Variants in ANXA9 observed in about 807,000 individuals in gnomAD.
ANXA9 encodes the protein annexin 31.
In ANXA9, 47 loss-of-function variants were observed where a neutral mutation model predicts 51.8. The ratio of observed to expected loss-of-function variants is 0.91; its 90% CI spans 0.72 to 1.16. The LOEUF (loss-of-function observed/expected upper bound fraction) is 1.16, where lower values mean the gene tolerates loss of function less well. Among genes scored for constraint, ANXA9 ranks in the 50% most tolerant of loss-of-function variants. ANXA9 has a pLI of 0.00. For synonymous variants in ANXA9, 154 were observed against 168.7 expected, an observed-to-expected ratio of 0.91 and a Z score of 0.68; for missense variants, 361 against 424.7, an observed-to-expected ratio of 0.85 and a Z score of 1.32.
intron 4 of ANXA9, 34 bp from the exon 5 acceptor site, chr1:150,983,941 C>A: frequency 6.3e-7 from 1 of 1,591,440 alleles, no homozygotes; most frequent in East Asian, 2.3e-5. Flanking sequence ...TATGTAAAGA[C>A]CCTGCTCACA....
At chr1:150,987,064 AC>A (rs1671577333) in intron 9 of ANXA9, among the ~76,000 whole-genome samples, 1 of 152,170 alleles carries the variant, frequency 6.6e-6, no homozygotes, top group Admixed American at 6.6e-5. Flanking sequence ...AGATAAAAAA[AC>A]ATAAATAAAA....
chr1:150,978,933 T>C (rs1186775496), upstream of ANXA9, among the ~76,000 whole-genome samples: 1 of 151,754 alleles, frequency 6.6e-6, no homozygotes, highest in Non-Finnish European at 1.5e-5. Flanking sequence ...CATTGCACTC[T>C]AACCTGGGCA....
chr1:150,995,482 T>G lies in ANXA9; in HGVS notation c.*160T>G. On this transcript the variant is annotated 3_prime_UTR_variant, in exon 14 of 14. Coordinates refer to ENST00000368947, the MANE Select transcript of ANXA9 (RefSeq NM_003568.3). ...CTGGAACTGTTTCTTTAAAATCCCTTAATTTTCCCATCTCAAAATTATATC... is the reference window on the plus strand; with the variant it reads ...CTGGAACTGTTTCTTTAAAATCCCTGAATTTTCCCATCTCAAAATTATATC... 1 of 620,254 alleles carries G rather than the reference T, an allele frequency of 1.6e-6. No individual in the cohort carries two copies. 38.4% of individuals were successfully genotyped at this position (620,254 alleles called of 1,614,324 possible). A position where few individuals can be genotyped will look rare whatever the true frequency, so the allele number is the denominator to read the frequency against.
intron 7 of ANXA9, among the ~76,000 whole-genome samples, chr1:150,985,098 G>T (rs1671517281): frequency 6.6e-6 from 1 of 151,990 alleles, no homozygotes; most frequent in African/African-American, 2.4e-5. Flanking sequence ...TTGGGAAGTT[G>T]AGGCTGCAGT....
In ANXA9 at chr1:150,987,965, A is replaced by G. The variant is rs1346022079; in HGVS notation, c.697+9A>G. Reference sequence around the variant, plus strand: ...TGAACACCTCATCCGAGGTACACACAAGCCTTCTTGTCCCCCTAGCTTGCT... The same window carrying G: ...TGAACACCTCATCCGAGGTACACACGAGCCTTCTTGTCCCCCTAGCTTGCT... On this transcript the variant is annotated intron_variant, in intron 10 of 13. Transcript: ENST00000368947. 4.3e-6 allele frequency: 7 copies of G among 1,614,000 alleles called. No individual in the cohort carries two copies. The East Asian group carries it at 1.6e-4, about 36-fold the overall frequency.
intron 9 of ANXA9, 24 bp from the exon 10 acceptor site, chr1:150,987,848 C>CCCT (rs1671605115): frequency 1.2e-6 from 2 of 1,605,464 alleles, no homozygotes; most frequent in African/African-American, 2.7e-5. Context: ...ATTGACTCCT[C>CCCT]CCTGACTCAT....
At chr1:150,985,169 C>CTG (rs1671518830) in intron 7 of ANXA9, among the ~76,000 whole-genome samples, 2 of 128,892 alleles carry the variant, frequency 1.6e-5, no homozygotes, top group African/African-American at 6.0e-5. Flanking sequence ...GAGAGCATGT[C>CTG]TCTCTCTCTC....
chr1:150,992,026 C>G (rs1205826028), intron 12 of ANXA9, among the ~76,000 whole-genome samples: 1 of 152,120 alleles, frequency 6.6e-6, no homozygotes, highest in Non-Finnish European at 1.5e-5. Context: ...CTCAGTCTTC[C>G]AAAGTGCTGG....
chr1:150,986,471 G>T, intron 8 of ANXA9, 56 bp downstream of exon 8: 3 of 1,591,184 alleles, frequency 1.9e-6, no homozygotes, highest in Non-Finnish European at 2.6e-6. Flanking sequence ...AAGGAGACAC[G>T]CTGGAGCAGG....
chr1:150,993,657 G>A (rs1260188328), intron 12 of ANXA9, among the ~76,000 whole-genome samples: 11 of 121,616 alleles, frequency 9.0e-5, no homozygotes, highest in East Asian at 4.9e-4. Flanking sequence ...TTTTTGAGAC[G>A]GAGTTTTGCT....
intron 7 of ANXA9, among the ~76,000 whole-genome samples, chr1:150,985,182 T>G (rs2902812): frequency 0.42 from 56,984 of 137,170 alleles, 11,194 homozygotes; most frequent in South Asian, 0.57. Context: ...TCTCTCTCTC[T>G]CTCTCTCTCA....
chr1:150,994,549 ACCC>A (rs1057029043), intron 12 of ANXA9, 25 bp from the exon 13 acceptor site: 7 of 1,611,510 alleles, frequency 4.3e-6, no homozygotes, highest in Non-Finnish European at 5.9e-6. Context: ...CTCACTAACT[ACCC>A]CCCATCTCTT....
upstream of ANXA9, among the ~76,000 whole-genome samples, chr1:150,981,055 C>T (rs912116261): frequency 1.4e-4 from 21 of 152,166 alleles, no homozygotes; most frequent in African/African-American, 4.8e-4. Context: ...CTCCGTCTCT[C>T]TCAATCCTCC....
intron 12 of ANXA9, among the ~76,000 whole-genome samples, chr1:150,990,444 G>A (rs1430669438): frequency 6.6e-6 from 1 of 151,944 alleles, no homozygotes; most frequent in Non-Finnish European, 1.5e-5. Flanking sequence ...TCAGCTCACT[G>A]CAGCCTTCAC....
In ANXA9 at chr1:150,995,442, A is replaced by T; in HGVS notation, c.*120A>T. On this transcript the variant is annotated 3_prime_UTR_variant, in exon 14 of 14. Transcript: ENST00000368947. ...CCCCTCACTGAGCACCACATTCTCT[A>T]GCTTCTTGTTGAGGCTGGAACTGTT... 1.2e-6 allele frequency: 1 copy of T among 869,566 alleles called. No homozygotes were observed. Among genetic ancestry groups the T allele is most frequent in the Non-Finnish European group, 1.7e-6 (1 of 573,586 alleles). The allele number at this position is 869,566 out of a possible 1,614,324, so 53.9% of individuals were successfully genotyped here. A position where few individuals can be genotyped will look rare whatever the true frequency, so the allele number is the denominator to read the frequency against.
At chr1:150,984,435 A>T in intron 6 of ANXA9, 41 bp downstream of exon 6, 1 of 1,599,608 alleles carries the variant, frequency 6.3e-7, no homozygotes, top group East Asian at 2.2e-5. Flanking sequence ...TGGGGAAGGG[A>T]GAAGGCTGTC....
At chr1:150,986,257 T>G (rs1473961897) in intron 7 of ANXA9, 79 bp from the exon 8 acceptor site, 57 of 1,300,238 alleles carry the variant, frequency 4.4e-5, no homozygotes, top group Non-Finnish European at 6.1e-5. Context: ...GTATAGCGGG[T>G]CAGGCATTTG....
rs768583262 is a variant in ANXA9, at chr1:150,984,724, G to A, written c.472+48G>A. On this transcript the variant is annotated intron_variant, in intron 7 of 13. Coordinates refer to ENST00000368947, the MANE Select transcript of ANXA9 (RefSeq NM_003568.3). ...CCCAGATGCTGGAGAAGGGGCTGTAGGACAGGCCACTCCTCTCCTGTACTC... is the reference window on the plus strand; with the variant it reads ...CCCAGATGCTGGAGAAGGGGCTGTAAGACAGGCCACTCCTCTCCTGTACTC... 11 of 1,520,242 alleles carry A rather than the reference G, an allele frequency of 7.2e-6. No individual in the cohort carries two copies. In the African/African-American group the frequency reaches 1.4e-4, roughly 19 times the overall value. 94.2% of individuals were successfully genotyped at this position (1,520,242 alleles called of 1,614,324 possible). A position where few individuals can be genotyped will look rare whatever the true frequency, so the allele number is the denominator to read the frequency against.
chr1:150,994,271 T>A (rs1259346499), intron 12 of ANXA9, among the ~76,000 whole-genome samples: 1 of 152,158 alleles, frequency 6.6e-6, no homozygotes, highest in Non-Finnish European at 1.5e-5. Context: ...GGTGTACCTA[T>A]CTTTGGAGCT....
Sources: gnomAD v4.1 joint callset for allele counts (sites outside exome capture counted in the v4.1 genomes callset) on GRCh38, gnomAD v4.1.1 for gene constraint, MANE v1.5 for transcripts, NCBI Gene and HGNC (gene_info 2026-07-23, HGNC 2026-07-21) for gene names.